The following SLC38A11 variants were observed in gnomAD, a reference collection of about 807,000 sequenced individuals.
SLC38A11 encodes the protein solute carrier family 38 member 11, also known as putative sodium-coupled neutral amino acid transporter 11.
Under a neutral mutation model 49.4 loss-of-function variants are expected in SLC38A11, and 51 were observed. The ratio of observed to expected loss-of-function variants is 1.03; its 90% CI spans 0.83 to 1.30. SLC38A11 has a LOEUF of 1.30. Ranked by LOEUF, SLC38A11 falls within the 50% of genes most tolerant of loss-of-function variation. SLC38A11 has a pLI of 0.00. For missense variants in SLC38A11, 574 were observed against 556.2 expected (o/e 1.03, Z -0.32); for synonymous variants, 203 against 192.9 (o/e 1.05, Z -0.43).
At chr2:164,926,442 A>G (rs1686588897) in intron 7 of SLC38A11, among the ~76,000 whole-genome samples, 1 of 152,212 alleles carries the variant, frequency 6.6e-6, no homozygotes, top group Admixed American at 6.5e-5. Flanking sequence ...AGTGGGTGCT[A>G]TGGTTTAAAT....
chr2:164,955,029 T>G (rs1241146014), intron 1 of SLC38A11, among the ~76,000 whole-genome samples, 180 bp downstream of exon 1: 5 of 136,318 alleles, frequency 3.7e-5, no homozygotes, highest in African/African-American at 1.4e-4. Flanking sequence ...TTTGTGAAAT[T>G]AAAGTGCCTG....
At chr2:164,947,120 T>C (rs1315952376) in intron 3 of SLC38A11, among the ~76,000 whole-genome samples, 1 of 17,766 alleles carries the variant, frequency 5.6e-5, no homozygotes, top group African/African-American at 1.0e-4. Context: ...TTTATCTCTT[T>C]TTTTTTTTTT....
chr2:164,955,438 C>CT lies in SLC38A11; in HGVS notation c.-192dup. ...GGGCTGCAGCCCCAAGATCTCTAGG[C>CT]TGTGGCAGCCTGGGGCGCTTTTCCA... On this transcript the variant is annotated 5_prime_UTR_variant, in exon 1 of 12. Coordinates refer to ENST00000685975, the MANE Select transcript of SLC38A11 (RefSeq NM_001351537.2). The CT allele has an allele frequency of 1.8e-6, 1 of 568,260 alleles. No individual in the cohort carries two copies. Among genetic ancestry groups the CT allele is most frequent in the Non-Finnish European group, 3.1e-6 (1 of 318,974 alleles). 35.2% of individuals were successfully genotyped at this position (568,260 alleles called of 1,614,324 possible).
intron 9 of SLC38A11, chr2:164,911,957 GA>G (rs1431845107): frequency 2.8e-6 from 1 of 362,718 alleles, no homozygotes; most frequent in East Asian, 5.0e-5. Flanking sequence ...ATTCAGTACA[GA>G]AACATGCTGT....
chr2:164,942,073 A>G (rs1687807038), intron 5 of SLC38A11, among the ~76,000 whole-genome samples: 1 of 152,132 alleles, frequency 6.6e-6, no homozygotes, highest in Admixed American at 6.5e-5. Flanking sequence ...GTTTTCTAAT[A>G]TTTTTCAAAT....
chr2:164,947,487 A>G (rs1438410273), intron 3 of SLC38A11, among the ~76,000 whole-genome samples: 2 of 151,922 alleles, frequency 1.3e-5, no homozygotes, highest in Non-Finnish European at 2.9e-5. Flanking sequence ...TGTGGTTGCA[A>G]TTTTCATTTA....
At chr2:164,913,919 A>G (rs1178686127) in intron 9 of SLC38A11, among the ~76,000 whole-genome samples, 2 of 152,058 alleles carry the variant, frequency 1.3e-5, no homozygotes, top group Non-Finnish European at 2.9e-5. Flanking sequence ...TTCTTGAGAA[A>G]TATTTGCCTA....
chr2:164,901,597 G>A (rs1162734174), intron 11 of SLC38A11, among the ~76,000 whole-genome samples: 2 of 151,984 alleles, frequency 1.3e-5, no homozygotes, highest in Non-Finnish European at 2.9e-5. Context: ...ATTTTTGTAT[G>A]TTGGTTTTAT....
intron 5 of SLC38A11, 115 bp from the exon 6 acceptor site, chr2:164,939,671 G>T: frequency 1.8e-6 from 1 of 541,614 alleles, no homozygotes; most frequent in Non-Finnish European, 3.2e-6. Context: ...CTACCTCAAT[G>T]ACAATAATTT....
In SLC38A11 at chr2:164,918,581, G is replaced by A. The variant is rs56057116; in HGVS notation, c.618-2608C>T. Among the ~76,000 whole-genome samples the A allele has an allele frequency of 2.8e-3, 421 of 152,210 alleles. 4 individuals are homozygous for A. The highest frequency in any genetic ancestry group is 9.7e-3 in the African/African-American group (401 of 41,544). ...CTACTTAAGGGATGAAACCAGATAG[G>A]ATGTTCAATATCACTGCATCCTGAA... On this transcript the variant is annotated intron_variant, in intron 7 of 11. Transcript: ENST00000685975.
Position 164,895,329 on chromosome 2 carries a change from G to A in SLC38A11, c.*3108C>T, listed in dbSNP as rs1292512044. On this transcript the variant is annotated 3_prime_UTR_variant, in exon 12 of 12. Coordinates refer to ENST00000685975, the MANE Select transcript of SLC38A11 (RefSeq NM_001351537.2). ...ATTGAGGTAGCAAATTATTATCCTT[G>A]CCACAGTTAGTAAAGCATTCATGGG... Among the ~76,000 whole-genome samples the A allele has an allele frequency of 2.0e-5, 3 of 152,216 alleles. No homozygotes were observed. The highest frequency in any genetic ancestry group is 4.4e-5 in the Non-Finnish European group (3 of 68,012).
intron 10 of SLC38A11, among the ~76,000 whole-genome samples, chr2:164,911,281 A>C (rs1234744424): frequency 6.6e-6 from 1 of 152,094 alleles, no homozygotes; most frequent in African/African-American, 2.4e-5. Context: ...TTAAACCTTG[A>C]TACTTAATTT....
chr2:164,941,959 G>A (rs1316337850), intron 5 of SLC38A11, among the ~76,000 whole-genome samples: 3 of 152,032 alleles, frequency 2.0e-5, no homozygotes, highest in Non-Finnish European at 4.4e-5. Context: ...AAAAAGGAAG[G>A]AAGGAAGAGG....
intron 7 of SLC38A11, among the ~76,000 whole-genome samples, chr2:164,925,627 C>T (rs113087035): frequency 2.6e-5 from 4 of 152,224 alleles, no homozygotes; most frequent in African/African-American, 9.6e-5. Flanking sequence ...ATCATCTTCC[C>T]TTCCTATCCT....
At chr2:164,903,707 T>C (rs1684810803) in intron 11 of SLC38A11, among the ~76,000 whole-genome samples, 1 of 152,170 alleles carries the variant, frequency 6.6e-6, no homozygotes, top group Non-Finnish European at 1.5e-5. Context: ...GGATGTAAAA[T>C]CATAACTGCT....
chr2:164,944,775 A>G (rs1036439896), intron 4 of SLC38A11, 141 bp from the exon 5 acceptor site: 27 of 371,206 alleles, frequency 7.3e-5, no homozygotes, highest in African/African-American at 5.3e-4. Context: ...ACCAGTTTGG[A>G]CAACTTTAAA....
intron 7 of SLC38A11, among the ~76,000 whole-genome samples, chr2:164,917,521 C>T (rs1359671455): frequency 1.3e-5 from 2 of 152,004 alleles, no homozygotes; most frequent in African/African-American, 2.4e-5. Context: ...TAAAAGCAGT[C>T]GACATTAAAA....
chr2:164,911,760 T>C lies in SLC38A11; in HGVS notation c.851-12A>G, dbSNP rs765284803. The C allele has an allele frequency of 6.8e-7, 1 of 1,461,744 alleles. No individual in the cohort carries two copies. The highest frequency in any genetic ancestry group is 9.4e-7 in the Non-Finnish European group (1 of 1,064,676). 90.5% of individuals were successfully genotyped at this position (1,461,744 alleles called of 1,614,324 possible). On this transcript the variant is annotated splice_polypyrimidine_tract_variant and intron_variant, in intron 9 of 11. Transcript: ENST00000685975. ...TTCAAATAAGTCCCCTAGATAGTAA[T>C]ATAAAATAAGTTTATTTACTAGATA...
intron 10 of SLC38A11, 125 bp from the exon 11 acceptor site, chr2:164,908,896 T>C: frequency 1.9e-6 from 2 of 1,070,484 alleles, no homozygotes; most frequent in Non-Finnish European, 2.6e-6. Flanking sequence ...AATCAAATCT[T>C]AAGTCACTAG....
Sources: gnomAD v4.1 joint callset for allele counts (sites outside exome capture counted in the v4.1 genomes callset) on GRCh38, gnomAD v4.1.1 for gene constraint, MANE v1.5 for transcripts, NCBI Gene and HGNC (gene_info 2026-07-23, HGNC 2026-07-21) for gene names.